RRM1: variants seen among roughly 807,000 people sequenced by gnomAD.
The protein encoded by RRM1 is ribonucleoside-diphosphate reductase large subunit.
Under a neutral mutation model 101.5 loss-of-function variants are expected in RRM1, and 19 were observed. The ratio of observed to expected loss-of-function variants is 0.19; its 90% CI spans 0.13 to 0.27. RRM1 has a LOEUF of 0.27. Among genes scored for constraint, RRM1 ranks in the 10% least tolerant of loss-of-function variants. The probability of loss-of-function intolerance (pLI) is 1.00; values close to 1 mark genes in which losing one functional copy is unlikely to be tolerated. For synonymous variants in RRM1, 298 were observed against 323.4 expected (o/e 0.92, Z 0.84); for missense variants, 500 against 962.9 (o/e 0.52, Z 6.36).
At position 4,094,955 on chromosome 11, in the gene RRM1, G is replaced by A. The variant is rs2094540953; in HGVS notation, c.-58G>A. 6.5e-7 allele frequency: 1 copy of A among 1,547,914 alleles called. No homozygotes were observed. Among genetic ancestry groups the A allele is most frequent in the African/African-American group, 1.4e-5 (1 of 73,000 alleles). Reference sequence around the variant, plus strand: ...ACTCTGTCACCTTCTCGATCCCGCCGGCGCTTTAGAGCCGCAGTCCAGTCT... The same window carrying A: ...ACTCTGTCACCTTCTCGATCCCGCCAGCGCTTTAGAGCCGCAGTCCAGTCT... On this transcript the variant is annotated 5_prime_UTR_variant, in exon 1 of 19. Coordinates refer to ENST00000300738, the MANE Select transcript of RRM1 (RefSeq NM_001033.5).
chr11:4,119,805 T>G (rs1259914815), intron 8 of RRM1, 40 bp from the exon 9 acceptor site: 1 of 1,254,682 alleles, frequency 8.0e-7, no homozygotes. Flanking sequence ...TTTTCTTTGC[T>G]GAGTGCCCTC....
At chr11:4,126,481 ATAAC>A (rs2094589737) in intron 12 of RRM1, among the ~76,000 whole-genome samples, 199 bp from the exon 13 acceptor site, 1 of 152,252 alleles carries the variant, frequency 6.6e-6, no homozygotes, top group South Asian at 2.1e-4. Context: ...GATGCATGTT[ATAAC>A]TAACACATAT....
In RRM1 at chr11:4,118,336, A is replaced by G. The variant is rs762381899; in HGVS notation, c.667A>G (p.Met223Val). 17 of 1,612,748 alleles carry G rather than the reference A, an allele frequency of 1.1e-5. No homozygotes were observed. The highest frequency in any genetic ancestry group is 1.4e-5 in the Non-Finnish European group (17 of 1,179,602). ...CCCCCGTAGCTGTTTTCTTCTGAGT[A>G]TGAAAGATGACAGCATTGAAGGCAT... ...PQLSSCFLLS[M>V]KDDSIEGIYD... Residue 223 changes from methionine (M) to valine (V), a missense_variant, in exon 8 of 19, where the codon ATG becomes GTG. By Grantham distance (21) the Met-to-Val change is conservative (BLOSUM62 1). Transcript: ENST00000300738.
intron 1 of RRM1, among the ~76,000 whole-genome samples, chr11:4,101,109 G>A (rs375726999): frequency 1.3e-5 from 2 of 152,192 alleles, no homozygotes; most frequent in East Asian, 3.9e-4. Context: ...GATAAGAAGA[G>A]CAAGGGTCCT....
Position 4,127,035 on chromosome 11 carries a change from G to C in RRM1, c.1471G>C (p.Ala491Pro). Residue 491 changes from alanine (A) to proline (P), a missense_variant and splice_region_variant, in exon 14 of 19, where the codon GCA becomes CCA. Physicochemically the swap from Ala to Pro is conservative, Grantham distance 27. Coordinates refer to ENST00000300738, the MANE Select transcript of RRM1 (RefSeq NM_001033.5). Reference protein sequence around the residue: ...IDINYYPVPEACLSNKRHRPI... With the variant: ...IDINYYPVPEPCLSNKRHRPI... The stretch of plus-strand genomic sequence containing the variant: ...TTCTTTAAAATCTGTTGACACAAAG[G>C]CATGCCTATCAAATAAACGCCATCG... 1 of 1,605,190 alleles carries C rather than the reference G, an allele frequency of 6.2e-7. No individual in the cohort carries two copies. The highest frequency in any genetic ancestry group is 8.5e-7 in the Non-Finnish European group (1 of 1,177,210).
At chr11:4,129,939 A>G (rs1412643985) in intron 15 of RRM1, among the ~76,000 whole-genome samples, 1 of 151,074 alleles carries the variant, frequency 6.6e-6, no homozygotes, top group Non-Finnish European at 1.5e-5. Flanking sequence ...TTATACTAAT[A>G]CTGCCTCCCC....
intron 7 of RRM1, among the ~76,000 whole-genome samples, chr11:4,114,638 A>T (rs530650656): frequency 7.6e-4 from 115 of 152,288 alleles, no homozygotes; most frequent in Non-Finnish European, 1.3e-3. Flanking sequence ...AATTTATTTT[A>T]AAAATATTTT....
At position 4,138,463 on chromosome 11, in the gene RRM1, GA is replaced by G. The variant is rs2094618153; in HGVS notation, c.*81del. 1 of 1,118,820 alleles carries G rather than the reference GA, an allele frequency of 8.9e-7. No homozygotes were observed. The allele number at this position is 1,118,820 out of a possible 1,614,324, so 69.3% of individuals were successfully genotyped here. A position where few individuals can be genotyped will look rare whatever the true frequency, so the allele number is the denominator to read the frequency against. On this transcript the variant is annotated 3_prime_UTR_variant, in exon 19 of 19. Coordinates refer to ENST00000300738, the MANE Select transcript of RRM1 (RefSeq NM_001033.5). Reference sequence around the variant, plus strand: ...ATAGATAGGTATAGTGGGTTTGCTTGAGGTGGTAAGGCTTTGCTGGACCCTG... The same window carrying G: ...ATAGATAGGTATAGTGGGTTTGCTTGGGTGGTAAGGCTTTGCTGGACCCTG...
chr11:4,115,620 G>A (rs570176494), intron 7 of RRM1, among the ~76,000 whole-genome samples: 10 of 152,014 alleles, frequency 6.6e-5, no homozygotes, highest in East Asian at 1.9e-4. Flanking sequence ...GCAGTGGCAC[G>A]ATTTTGGCTT....
chr11:4,111,857 T>C, intron 6 of RRM1, 43 bp from the exon 7 acceptor site: 1 of 1,568,996 alleles, frequency 6.4e-7, no homozygotes, highest in Non-Finnish European at 8.7e-7. Flanking sequence ...CAACCTACTT[T>C]TTCTGACGTC....
chr11:4,132,611 C>A lies in RRM1; in HGVS notation c.1905+190C>A, dbSNP rs772492208. 1.3e-5 allele frequency among the ~76,000 whole-genome samples: 2 copies of A among 152,152 alleles called. No individual in the cohort carries two copies. Among genetic ancestry groups the A allele is most frequent in the Non-Finnish European group, 2.9e-5 (2 of 68,038 alleles). ...GCACAATAGGCATTTAATAAATAAT[C>A]TGTTGAAAGAATGAGTGAATGAGGG... On this transcript the variant is annotated intron_variant, in intron 16 of 18. Transcript: ENST00000300738. The surrounding 1 kb of genome is among the most constrained non-coding windows in gnomAD (Gnocchi z 4.1).
At chr11:4,125,132 C>T (rs2094587583) in intron 12 of RRM1, among the ~76,000 whole-genome samples, 1 of 152,072 alleles carries the variant, frequency 6.6e-6, no homozygotes, top group Non-Finnish European at 1.5e-5. Flanking sequence ...CCAGGATGGT[C>T]TCAATCTCTT....
intron 7 of RRM1, 108 bp from the exon 8 acceptor site, chr11:4,118,212 C>A: frequency 9.0e-7 from 1 of 1,112,804 alleles, no homozygotes; most frequent in Admixed American, 2.5e-5. Flanking sequence ...ACTTTCTAAA[C>A]TTCAACTCTT....
At chr11:4,117,127 T>C (rs1368724253) in intron 7 of RRM1, among the ~76,000 whole-genome samples, 1 of 152,174 alleles carries the variant, frequency 6.6e-6, no homozygotes, top group Non-Finnish European at 1.5e-5. Context: ...TATATATATA[T>C]TTGATAAAAA....
rs1190502816 is a variant in RRM1 at position 4,138,746 on chromosome 11, G to A, written c.*363G>A. ...ACTTCAGTTTTGTTAAGGAGATTTA[G>A]TTTTACTGCTTTGACTGGTGGGTCT... On this transcript the variant is annotated 3_prime_UTR_variant, in exon 19 of 19. Transcript: ENST00000300738. The A allele has an allele frequency of 4.5e-6, 1 of 220,444 alleles. No homozygotes were observed. Among genetic ancestry groups the A allele is most frequent in the African/African-American group, 2.2e-5 (1 of 44,738 alleles). 13.7% of individuals were successfully genotyped at this position (220,444 alleles called of 1,614,324 possible).
At chr11:4,110,944 C>G (rs963798839) in intron 5 of RRM1, among the ~76,000 whole-genome samples, 1 of 152,084 alleles carries the variant, frequency 6.6e-6, no homozygotes. Flanking sequence ...TAGATCCGTG[C>G]CTAGTCTGTT....
chr11:4,122,216 G>A lies in RRM1; in HGVS notation c.1114G>A (p.Ala372Thr). ...VWGEEFEKLYASYEKQGRVRK... is the reference protein window; with the variant it reads ...VWGEEFEKLYTSYEKQGRVRK... ...GGGAGAGGAATTTGAGAAACTATAT[G>A]CAAGGTATGGGAAAAATATGAAAGA... Residue 372 changes from alanine (A) to threonine (T), a missense_variant, in exon 11 of 19, where the codon GCA becomes ACA. Coordinates refer to ENST00000300738, the MANE Select transcript of RRM1 (RefSeq NM_001033.5). 2 of 1,600,830 alleles carry A rather than the reference G, an allele frequency of 1.2e-6. No homozygotes were observed. The highest frequency in any genetic ancestry group is 1.7e-6 in the Non-Finnish European group (2 of 1,168,352).
chr11:4,131,239 G>C (rs1272437551), intron 15 of RRM1, among the ~76,000 whole-genome samples: 2 of 152,204 alleles, frequency 1.3e-5, no homozygotes, highest in Non-Finnish European at 2.9e-5. Flanking sequence ...CAGATCTTGT[G>C]AGAACTCACT....
chr11:4,124,074 A>G (rs1193243254), intron 12 of RRM1, among the ~76,000 whole-genome samples: 2 of 152,196 alleles, frequency 1.3e-5, no homozygotes, highest in Admixed American at 1.3e-4. Flanking sequence ...GTCTGTTTTG[A>G]TGGTGCAAGT....
Sources: gnomAD v4.1 joint callset for allele counts (sites outside exome capture counted in the v4.1 genomes callset) on GRCh38, gnomAD v4.1.1 for gene constraint, Gnocchi (gnomAD v3.1) non-coding constraint, MANE v1.5 for transcripts, NCBI Gene and HGNC (gene_info 2026-07-23, HGNC 2026-07-21) for gene names.